Variants in LINGO2 observed in about 807,000 individuals in gnomAD.
LINGO2 encodes leucine-rich repeat and immunoglobulin-like domain-containing nogo receptor-interacting protein 2.
Under a neutral mutation model 30.6 loss-of-function variants are expected in LINGO2, and 14 were observed. The ratio of observed to expected loss-of-function variants is 0.46; its 90% CI spans 0.30 to 0.72. The LOEUF (loss-of-function observed/expected upper bound fraction) is 0.72, where lower values mean the gene tolerates loss of function less well. LINGO2 is among the 30% of genes least tolerant of loss of function. The pLI, the probability that LINGO2 is intolerant of heterozygous loss-of-function variation, is 0.07. For missense variants in LINGO2, 729 were observed against 751.7 expected (o/e 0.97, Z 0.35); for synonymous variants, 317 against 288.5 (o/e 1.10, Z -1.00).
chr9:28,248,001 TGTTG>T (rs1822063628), intron 4 of LINGO2, among the ~76,000 whole-genome samples: 1 of 152,198 alleles, frequency 6.6e-6, no homozygotes, highest in Admixed American at 6.5e-5. Flanking sequence ...CCTCATACAC[TGTTG>T]GTTGGAATGT....
intron 4 of LINGO2, among the ~76,000 whole-genome samples, chr9:28,196,280 T>C (rs1820006044): frequency 6.6e-6 from 1 of 151,594 alleles, no homozygotes; most frequent in Admixed American, 6.6e-5. Context: ...GAAGAAAAAT[T>C]AAAATTTTAA....
At chr9:28,828,731 G>T in the LINGO2 span, among the ~76,000 whole-genome samples, 2 of 152,138 alleles carry the variant, frequency 1.3e-5, no homozygotes, top group Non-Finnish European at 2.9e-5. Flanking sequence ...AGGAAGACAG[G>T]CAGAAGTATG....
At chr9:28,358,719 C>A (rs1159742388) in intron 3 of LINGO2, among the ~76,000 whole-genome samples, 2 of 152,096 alleles carry the variant, frequency 1.3e-5, no homozygotes, top group Admixed American at 1.3e-4. Flanking sequence ...GTACCCAGAC[C>A]ACAGGGTTGA....
the LINGO2 span, among the ~76,000 whole-genome samples, chr9:28,876,281 C>T: frequency 2.3e-4 from 35 of 151,816 alleles, no homozygotes; most frequent in South Asian, 5.6e-3. Flanking sequence ...TTAAGTTTTA[C>T]GGTACATGTG....
At chr9:29,026,151 G>A in the LINGO2 span, among the ~76,000 whole-genome samples, 1 of 151,912 alleles carries the variant, frequency 6.6e-6, no homozygotes, top group Non-Finnish European at 1.5e-5. Flanking sequence ...TCCCACCTCA[G>A]ATTCCTAAGT....
intron 3 of LINGO2, among the ~76,000 whole-genome samples, chr9:28,348,429 C>G (rs1424511671): frequency 6.6e-6 from 1 of 152,184 alleles, no homozygotes; most frequent in Non-Finnish European, 1.5e-5. Flanking sequence ...CAGAATACTG[C>G]GCTTTTCTGA....
chr9:28,699,704 C>T, the LINGO2 span, among the ~76,000 whole-genome samples: 2 of 151,828 alleles, frequency 1.3e-5, no homozygotes, highest in South Asian at 2.1e-4. Flanking sequence ...AAATTCTTTT[C>T]CTAGGAAGGA....
At chr9:29,039,145 T>C in the LINGO2 span, among the ~76,000 whole-genome samples, 6 of 152,252 alleles carry the variant, frequency 3.9e-5, no homozygotes, top group African/African-American at 1.4e-4. Context: ...TGAAAGATCT[T>C]AAAATGGGCT....
At chr9:28,855,789 T>C in the LINGO2 span, among the ~76,000 whole-genome samples, 2 of 152,038 alleles carry the variant, frequency 1.3e-5, no homozygotes, top group African/African-American at 4.8e-5. Flanking sequence ...AAGCAATCTA[T>C]TGAGTCTCCA....
At chr9:29,083,341 C>A in the LINGO2 span, among the ~76,000 whole-genome samples, 2 of 152,010 alleles carry the variant, frequency 1.3e-5, no homozygotes, top group South Asian at 4.2e-4. Context: ...GGACAAAAAA[C>A]CAAACACCGC....
Position 28,508,845 on chromosome 9 carries a change from T to C in LINGO2, c.-364-32820A>G, listed in dbSNP as rs41508451. On this transcript the variant is annotated intron_variant, in intron 1 of 5. Coordinates refer to ENST00000379992, the Ensembl canonical transcript of LINGO2. ...TACCTTTGATGATTTACTACACATA[T>C]GATCTTTGAGTTAGTTTCTTACCTT... Among the ~76,000 whole-genome samples, 1,170 of 152,202 alleles carry C rather than the reference T, an allele frequency of 7.7e-3. 56 individuals carry two copies. The East Asian group carries it at 0.12, about 16-fold the overall frequency.
chr9:28,771,298 T>C, the LINGO2 span, among the ~76,000 whole-genome samples: 3 of 151,704 alleles, frequency 2.0e-5, no homozygotes, highest in African/African-American at 2.4e-5. Context: ...ATAACTTCAA[T>C]TGAAAGAAAT....
intron 4 of LINGO2, among the ~76,000 whole-genome samples, chr9:28,215,729 A>T (rs985709607): frequency 6.6e-6 from 1 of 151,800 alleles, no homozygotes; most frequent in East Asian, 1.9e-4. Flanking sequence ...CACATAAAAT[A>T]CGCGGGACCA....
At chr9:28,161,429 A>G (rs1043092318) in intron 4 of LINGO2, among the ~76,000 whole-genome samples, 1 of 152,160 alleles carries the variant, frequency 6.6e-6, no homozygotes, top group East Asian at 1.9e-4. Context: ...TGTAATGACA[A>G]TAATTTTTTC....
chr9:28,410,306 T>A (rs1026775959), intron 2 of LINGO2, among the ~76,000 whole-genome samples: 1 of 152,134 alleles, frequency 6.6e-6, no homozygotes, highest in East Asian at 1.9e-4. Context: ...AGGATTTACA[T>A]GAACTACTCA....
intron 1 of LINGO2, among the ~76,000 whole-genome samples, chr9:28,531,495 G>A (rs1468320366): frequency 2.6e-5 from 4 of 152,090 alleles, no homozygotes; most frequent in Non-Finnish European, 5.9e-5. Flanking sequence ...GTTTTGAAGT[G>A]TAGACAGAAG....
At chr9:28,434,529 CAAA>C (rs3064822) in intron 2 of LINGO2, among the ~76,000 whole-genome samples, 2,300 of 130,976 alleles carry the variant, frequency 0.018, 57 homozygotes, top group East Asian at 0.061. Flanking sequence ...TCTTGAGCAT[CAAA>C]AAAAAAAAAA....
chr9:28,395,612 A>C (rs1340086736), intron 2 of LINGO2, among the ~76,000 whole-genome samples: 1 of 152,226 alleles, frequency 6.6e-6, no homozygotes, highest in Non-Finnish European at 1.5e-5. Flanking sequence ...AAGTTAACCA[A>C]CAAAGCCCAC....
chr9:28,878,823 C>G, the LINGO2 span, among the ~76,000 whole-genome samples: 4 of 151,998 alleles, frequency 2.6e-5, no homozygotes, highest in Non-Finnish European at 5.9e-5. Flanking sequence ...AAATTAGGTA[C>G]TGATGGGACG....
Sources: allele counts gnomAD v4.1 joint callset (sites outside exome capture counted in the v4.1 genomes callset), GRCh38; gene constraint gnomAD v4.1.1; transcripts MANE v1.5; gene names NCBI Gene and HGNC (gene_info 2026-07-23, HGNC 2026-07-21).